MEGF11: variants seen among roughly 807,000 people sequenced by gnomAD.
The protein encoded by MEGF11 is multiple EGF like domains 11, also known as multiple epidermal growth factor-like domains protein 11.
Under a neutral mutation model 146.6 loss-of-function variants are expected in MEGF11, and 126 were observed. The observed-to-expected ratio is 0.86, with a 90% CI of 0.74 to 1.00. The LOEUF (loss-of-function observed/expected upper bound fraction) is 1.00. MEGF11 is among the 50% of genes least tolerant of loss of function. The pLI, the probability that MEGF11 is intolerant of heterozygous loss-of-function variation, is 0.00. For synonymous variants in MEGF11, 532 were observed against 583.4 expected (o/e 0.91, Z 1.27); for missense variants, 1,509 against 1,521.2 (o/e 0.99, Z 0.13).
At chr15:66,233,301 T>A (rs1166649946) in intron 1 of MEGF11, among the ~76,000 whole-genome samples, 1 of 152,168 alleles carries the variant, frequency 6.6e-6, no homozygotes, top group African/African-American at 2.4e-5. Flanking sequence ...AAGAGCATGA[T>A]CTCAGCTCAC....
chr15:65,923,141 G>T (rs2079235785), intron 13 of MEGF11, among the ~76,000 whole-genome samples, 172 bp from the exon 14 acceptor site: 5 of 152,210 alleles, frequency 3.3e-5, no homozygotes, highest in Admixed American at 3.3e-4. Flanking sequence ...TTTTCAGGAA[G>T]AAGTGATGTC....
intron 1 of MEGF11, among the ~76,000 whole-genome samples, chr15:66,195,152 T>C (rs1190990105): frequency 6.6e-6 from 1 of 152,212 alleles, no homozygotes; most frequent in African/African-American, 2.4e-5. Flanking sequence ...TCTCTATGTC[T>C]GTGTCTTAAT....
chr15:66,222,269 C>T (rs2091755607), intron 1 of MEGF11, among the ~76,000 whole-genome samples: 1 of 152,048 alleles, frequency 6.6e-6, no homozygotes. Context: ...CCTCCAGATG[C>T]CCTGCCTCGC....
At chr15:66,125,993 C>T (rs2088319752) in intron 2 of MEGF11, among the ~76,000 whole-genome samples, 1 of 152,192 alleles carries the variant, frequency 6.6e-6, no homozygotes, top group African/African-American at 2.4e-5. Flanking sequence ...GTTCTCTGAC[C>T]CGAAGTGTGT....
At chr15:66,002,348 G>A (rs1165809336) in intron 5 of MEGF11, among the ~76,000 whole-genome samples, 4 of 152,134 alleles carry the variant, frequency 2.6e-5, no homozygotes, top group Non-Finnish European at 4.4e-5. Flanking sequence ...GCTCTCTAGG[G>A]GTGAGGACGG....
At chr15:65,984,879 C>T (rs1397453169) in intron 5 of MEGF11, among the ~76,000 whole-genome samples, 2 of 151,980 alleles carry the variant, frequency 1.3e-5, no homozygotes, top group Non-Finnish European at 2.9e-5. Context: ...AGCAATTCTC[C>T]TGCCTCAGCC....
rs913085145 is a variant in MEGF11, at chr15:65,896,802, GTTTACAGTAACGTT to G, written c.*1118_*1131del. 2.6e-5 allele frequency: 4 copies of G among 152,138 alleles called. No individual in the cohort carries two copies. Among genetic ancestry groups the G allele is most frequent in the African/African-American group, 9.7e-5 (4 of 41,414 alleles). The allele number at this position is 152,138 out of a possible 1,614,324, so 9.4% of individuals were successfully genotyped here. The stretch of plus-strand genomic sequence containing the variant: ...TGGAAGGACTTCATATCCTCATGCT[GTTTACAGTAACGTT>G]TTTACATCACGTTACAGCAACTGGT... On this transcript the variant is annotated 3_prime_UTR_variant, in exon 26 of 26. Transcript: ENST00000395614.
intron 19 of MEGF11, among the ~76,000 whole-genome samples, chr15:65,914,592 C>T (rs1203020273): frequency 6.6e-6 from 1 of 152,174 alleles, no homozygotes; most frequent in Non-Finnish European, 1.5e-5. Flanking sequence ...TGCCCCCACC[C>T]TCCATGCTGA....
chr15:66,078,958 A>G (rs1325738000), intron 5 of MEGF11, among the ~76,000 whole-genome samples: 2 of 152,058 alleles, frequency 1.3e-5, no homozygotes, highest in African/African-American at 2.4e-5. Context: ...TCACTCGCAG[A>G]CCCCAGGCTA....
At chr15:66,058,462 A>C (rs2084769647) in intron 5 of MEGF11, among the ~76,000 whole-genome samples, 1 of 152,208 alleles carries the variant, frequency 6.6e-6, no homozygotes, top group African/African-American at 2.4e-5. Context: ...AGGCAGTTTC[A>C]GGAGCTGTTA....
intron 1 of MEGF11, 65 bp downstream of exon 1, chr15:66,253,540 C>G (rs1413609232): frequency 6.6e-6 from 1 of 152,132 alleles, no homozygotes. Context: ...CCCCCACCCC[C>G]GCGTCCCCTG....
intron 1 of MEGF11, among the ~76,000 whole-genome samples, chr15:66,226,445 A>T (rs28735605): frequency 0.26 from 38,995 of 151,856 alleles, 5,321 homozygotes; most frequent in Non-Finnish European, 0.32. Context: ...ACAAGGTTTC[A>T]CCATGTTGGC....
At chr15:66,187,461 C>T (rs998011857) in intron 1 of MEGF11, among the ~76,000 whole-genome samples, 1 of 152,192 alleles carries the variant, frequency 6.6e-6, no homozygotes, top group African/African-American at 2.4e-5. Context: ...GAAGTCCTGT[C>T]GACAACCCTG....
intron 5 of MEGF11, among the ~76,000 whole-genome samples, chr15:66,086,115 G>GA (rs986769165): frequency 6.0e-5 from 9 of 149,730 alleles, no homozygotes; most frequent in East Asian, 3.9e-4. Flanking sequence ...CAAAGACAAA[G>GA]AAAAAAAAAG....
At chr15:65,967,008 T>G (rs1240827212) in intron 8 of MEGF11, 1 of 152,132 alleles carries the variant, frequency 6.6e-6, no homozygotes, top group Non-Finnish European at 1.5e-5. Flanking sequence ...GCCTCTAGCC[T>G]CTGGGGTTCT....
intron 1 of MEGF11, among the ~76,000 whole-genome samples, chr15:66,183,320 T>G (rs527258983): frequency 1.4e-4 from 21 of 151,924 alleles, no homozygotes; most frequent in South Asian, 4.2e-4. Flanking sequence ...GCCAACATGG[T>G]GAAACACTGT....
chr15:65,908,072 T>C (rs2078684340), intron 23 of MEGF11, among the ~76,000 whole-genome samples: 1 of 152,020 alleles, frequency 6.6e-6, no homozygotes, highest in East Asian at 1.9e-4. Context: ...GTTGGTGGGG[T>C]TATTAAATGC....
intron 5 of MEGF11, among the ~76,000 whole-genome samples, chr15:66,019,438 C>T (rs930968319): frequency 6.6e-5 from 10 of 152,202 alleles, no homozygotes; most frequent in African/African-American, 9.7e-5. Context: ...TTCAATAACC[C>T]CCATGAATAT....
At chr15:66,076,823 T>G (rs2085609594) in intron 5 of MEGF11, among the ~76,000 whole-genome samples, 1 of 152,128 alleles carries the variant, frequency 6.6e-6, no homozygotes, top group African/African-American at 2.4e-5. Flanking sequence ...TCTGTTTCCT[T>G]CCAACGCCAA....
Sources: gnomAD v4.1 joint callset for allele counts (sites outside exome capture counted in the v4.1 genomes callset) on GRCh38, gnomAD v4.1.1 for gene constraint, MANE v1.5 for transcripts, NCBI Gene and HGNC (gene_info 2026-07-23, HGNC 2026-07-21) for gene names.